The following FSTL5 variants were observed in gnomAD, a reference collection of about 807,000 sequenced individuals.
FSTL5 encodes follistatin like 5, also known as follistatin-related protein 5.
In FSTL5, 62 loss-of-function variants were observed where a neutral mutation model predicts 89.1. The ratio of observed to expected loss-of-function variants is 0.70; its 90% confidence interval spans 0.57 to 0.86. FSTL5 has a LOEUF of 0.86. FSTL5 is among the 40% of genes least tolerant of loss of function. The probability of loss-of-function intolerance (pLI) is 0.00; values close to 1 mark genes in which losing one functional copy is unlikely to be tolerated. For missense variants in FSTL5, 1,057 were observed against 1,001.6 expected (o/e 1.06, Z -0.75); for synonymous variants, 383 against 346.2 (o/e 1.11, Z -1.18).
intron 6 of FSTL5, among the ~76,000 whole-genome samples, chr4:161,721,734 TA>T (rs1281698569): frequency 6.6e-6 from 1 of 152,104 alleles, no homozygotes; most frequent in Non-Finnish European, 1.5e-5. Flanking sequence ...TCAGAAAAAT[TA>T]AGTGAGAGAA....
chr4:161,729,373 G>A (rs182623045), intron 6 of FSTL5, among the ~76,000 whole-genome samples: 276 of 152,088 alleles, frequency 1.8e-3, no homozygotes, highest in Non-Finnish European at 2.5e-3. Flanking sequence ...GGAAGTGTGC[G>A]AGACCAAAAT....
chr4:162,076,227 C>T (rs967889882), intron 2 of FSTL5, among the ~76,000 whole-genome samples: 2 of 151,892 alleles, frequency 1.3e-5, no homozygotes, highest in Admixed American at 6.6e-5. Context: ...ATAGCTATGG[C>T]TAAAATTTCA....
At chr4:161,927,790 G>C (rs1289848141) in intron 3 of FSTL5, among the ~76,000 whole-genome samples, 1 of 151,662 alleles carries the variant, frequency 6.6e-6, no homozygotes, top group African/African-American at 2.4e-5. Context: ...TTCTTCAGAA[G>C]AAATGTATTT....
Position 161,479,893 on chromosome 4 carries a change from T to C in FSTL5, c.1608+1127A>G, listed in dbSNP as rs1342075825. 3.3e-5 allele frequency among the ~76,000 whole-genome samples: 5 copies of C among 152,162 alleles called. No individual in the cohort carries two copies. The East Asian group carries it at 9.6e-4, about 29-fold the overall frequency. ...TGAAATAAGAAACACAAAATAAGCA[T>C]TTGTTAAATAAGTACAGAATATATG... On this transcript the variant is annotated intron_variant, in intron 13 of 15. Transcript: ENST00000306100.
intron 2 of FSTL5, among the ~76,000 whole-genome samples, chr4:162,067,189 G>A (rs1048642972): frequency 6.6e-6 from 1 of 151,962 alleles, no homozygotes; most frequent in Non-Finnish European, 1.5e-5. Flanking sequence ...GCCTACAGGT[G>A]ACTACAAGGC....
chr4:161,668,234 C>CA, intron 6 of FSTL5, among the ~76,000 whole-genome samples: 1 of 152,138 alleles, frequency 6.6e-6, no homozygotes, highest in South Asian at 2.1e-4. Flanking sequence ...AAAAGTTACA[C>CA]AAAAAATTCT....
chr4:161,475,390 G>T (rs1734102492), intron 13 of FSTL5, among the ~76,000 whole-genome samples: 1 of 151,906 alleles, frequency 6.6e-6, no homozygotes, highest in Non-Finnish European at 1.5e-5. Flanking sequence ...TGCATATGTT[G>T]GTACACTTGA....
intron 3 of FSTL5, among the ~76,000 whole-genome samples, chr4:162,025,292 AT>A (rs1737238547): frequency 6.6e-6 from 1 of 152,188 alleles, no homozygotes; most frequent in African/African-American, 2.4e-5. Context: ...TTTTAACATT[AT>A]ATGAAATTGA....
intron 13 of FSTL5, among the ~76,000 whole-genome samples, chr4:161,471,240 G>A (rs28812787): frequency 0.39 from 59,439 of 152,038 alleles, 11,723 homozygotes; most frequent in African/African-American, 0.42. Context: ...CCCATTCCTA[G>A]TTTTTTGAGT....
chr4:162,039,858 C>T (rs1428189790), intron 2 of FSTL5, among the ~76,000 whole-genome samples: 1 of 151,904 alleles, frequency 6.6e-6, no homozygotes, highest in African/African-American at 2.4e-5. Flanking sequence ...TCTATCAATC[C>T]ATATTATCCA....
Position 161,506,124 on chromosome 4 carries a change from T to C in FSTL5, c.1339+4274A>G, listed in dbSNP as rs532853667. 7.2e-5 allele frequency among the ~76,000 whole-genome samples: 11 copies of C among 151,862 alleles called. No homozygotes were observed. The South Asian group carries it at 2.3e-3, about 32-fold the overall frequency. ...AGTTTGGACAGTGGTGTGGGTGGCATAGAGGGCAGTGGAGCGATCACTGCA... is the reference window on the plus strand; with the variant it reads ...AGTTTGGACAGTGGTGTGGGTGGCACAGAGGGCAGTGGAGCGATCACTGCA... On this transcript the variant is annotated intron_variant, in intron 11 of 15. Transcript: ENST00000306100.
intron 6 of FSTL5, among the ~76,000 whole-genome samples, chr4:161,695,424 C>CGT (rs151205054): frequency 0.038 from 5,114 of 134,274 alleles, 187 homozygotes; most frequent in South Asian, 0.15. Context: ...CCATGGTGTA[C>CGT]GTGTGTGTGT....
intron 6 of FSTL5, among the ~76,000 whole-genome samples, chr4:161,735,258 C>G (rs535421412): frequency 6.6e-6 from 1 of 152,098 alleles, no homozygotes; most frequent in African/African-American, 2.4e-5. Flanking sequence ...ATGGGGAAGG[C>G]GCGAGAAGGT....
chr4:161,705,983 TATATATATATATACAC>T (rs1738563801), intron 6 of FSTL5, among the ~76,000 whole-genome samples: 1 of 94,348 alleles, frequency 1.1e-5, no homozygotes, highest in African/African-American at 4.7e-5. Context: ...TATATATATA[TATATATATATATACAC>T]ACATCTACAC....
At chr4:162,140,981 T>TG (rs1732709392) in intron 1 of FSTL5, among the ~76,000 whole-genome samples, 1 of 151,964 alleles carries the variant, frequency 6.6e-6, no homozygotes, top group Non-Finnish European at 1.5e-5. Flanking sequence ...GTTTGGGTCA[T>TG]GGGGGTAGAT....
intron 4 of FSTL5, among the ~76,000 whole-genome samples, chr4:161,879,966 G>A (rs1732573981): frequency 6.6e-6 from 1 of 152,118 alleles, no homozygotes. Context: ...TCTCTTAAAT[G>A]TTAATTTGAA....
At chr4:161,415,638 G>A (rs908011058) in intron 15 of FSTL5, among the ~76,000 whole-genome samples, 2 of 150,162 alleles carry the variant, frequency 1.3e-5, no homozygotes, top group Non-Finnish European at 3.0e-5. Flanking sequence ...GAGATATGTT[G>A]TATTATAGGG....
At chr4:161,903,402 C>G (rs1733427809) in intron 4 of FSTL5, among the ~76,000 whole-genome samples, 1 of 151,936 alleles carries the variant, frequency 6.6e-6, no homozygotes. Context: ...ATAAAAAACA[C>G]TTTTTTCATT....
intron 3 of FSTL5, among the ~76,000 whole-genome samples, chr4:161,923,220 T>C (rs946984747): frequency 6.6e-6 from 1 of 151,882 alleles, no homozygotes; most frequent in Non-Finnish European, 1.5e-5. Flanking sequence ...TTTCTGAATC[T>C]CTTTTGGTCC....
Sources: allele counts gnomAD v4.1 joint callset (sites outside exome capture counted in the v4.1 genomes callset), GRCh38; gene constraint gnomAD v4.1.1; transcripts MANE v1.5; gene names NCBI Gene and HGNC (gene_info 2026-07-23, HGNC 2026-07-21).